Variants in UVRAG observed in about 807,000 individuals in gnomAD.
UVRAG encodes UV radiation resistance-associated gene protein.
Under a neutral mutation model 78.0 loss-of-function variants are expected in UVRAG, and 19 were observed. The ratio of observed to expected loss-of-function variants is 0.24; its 90% CI spans 0.17 to 0.36. The LOEUF is 0.36. Among genes scored for constraint, UVRAG ranks in the 10% least tolerant of loss-of-function variants. The pLI, the probability that UVRAG is intolerant of heterozygous loss-of-function variation, is 1.00. For missense variants in UVRAG, 740 were observed against 853.8 expected (o/e 0.87, Z 1.66); for synonymous variants, 323 against 324.6 (o/e 1.00, Z 0.05).
intron 8 of UVRAG, among the ~76,000 whole-genome samples, chr11:76,002,865 C>T (rs1949843881): frequency 1.3e-5 from 2 of 152,060 alleles, no homozygotes; most frequent in Admixed American, 6.6e-5. Context: ...GGCTTGAGCT[C>T]AGGAGTTCAA....
At chr11:76,064,299 G>A (rs1010500846) in intron 12 of UVRAG, among the ~76,000 whole-genome samples, 1 of 152,200 alleles carries the variant, frequency 6.6e-6, no homozygotes, top group Admixed American at 6.5e-5. Flanking sequence ...GTTTAGGACC[G>A]TAGTAGATTT....
chr11:75,879,578 G>A, intron 3 of UVRAG, among the ~76,000 whole-genome samples: 1 of 152,192 alleles, frequency 6.6e-6, no homozygotes, highest in East Asian at 1.9e-4. Flanking sequence ...TTATGTGTTG[G>A]CTGTTAATAA....
At chr11:75,828,778 CACAT>C (rs1565333979) in intron 1 of UVRAG, among the ~76,000 whole-genome samples, 2 of 79,366 alleles carry the variant, frequency 2.5e-5, no homozygotes, top group African/African-American at 1.2e-4. Flanking sequence ...TATATATACA[CACAT>C]ATATATATAT....
intron 14 of UVRAG, among the ~76,000 whole-genome samples, chr11:76,139,183 C>G (rs894848807): frequency 4.6e-5 from 7 of 152,088 alleles, no homozygotes; most frequent in Admixed American, 4.6e-4. Context: ...TGCCCCTTCC[C>G]AAGAATAACC....
At chr11:75,977,234 C>T (rs1236253755) in intron 7 of UVRAG, among the ~76,000 whole-genome samples, 1 of 152,092 alleles carries the variant, frequency 6.6e-6, no homozygotes, top group Non-Finnish European at 1.5e-5. Context: ...GTCTGAGAGA[C>T]AGTTTGTTAT....
intron 1 of UVRAG, among the ~76,000 whole-genome samples, chr11:75,828,790 T>C (rs1267427545): frequency 4.8e-4 from 43 of 88,844 alleles, no homozygotes; most frequent in African/African-American, 1.9e-3. Context: ...CATATATATA[T>C]ATATATATAT....
At chr11:75,935,606 A>C (rs752269183) in intron 6 of UVRAG, among the ~76,000 whole-genome samples, 1 of 152,142 alleles carries the variant, frequency 6.6e-6, no homozygotes, top group South Asian at 2.1e-4. Context: ...GGATACTGCT[A>C]CCTTAATACT....
At chr11:76,130,088 T>TTG (rs1278871648) in intron 14 of UVRAG, among the ~76,000 whole-genome samples, 1 of 152,172 alleles carries the variant, frequency 6.6e-6, no homozygotes, top group Non-Finnish European at 1.5e-5. Flanking sequence ...TCCTCAAACA[T>TTG]TGTTATCTTT....
chr11:75,819,255 C>G (rs570586597), intron 1 of UVRAG, among the ~76,000 whole-genome samples: 1 of 152,174 alleles, frequency 6.6e-6, no homozygotes, highest in Non-Finnish European at 1.5e-5. Context: ...GATGGGACTA[C>G]TACTTAATTT....
intron 12 of UVRAG, among the ~76,000 whole-genome samples, chr11:76,063,230 GAC>G (rs965580494): frequency 2.0e-5 from 3 of 152,176 alleles, no homozygotes; most frequent in Non-Finnish European, 2.9e-5. Context: ...TCATAAGGGA[GAC>G]ACACATGAAC....
intron 13 of UVRAG, among the ~76,000 whole-genome samples, chr11:76,108,783 C>A (rs1337235914): frequency 6.6e-6 from 1 of 152,026 alleles, no homozygotes; most frequent in South Asian, 2.1e-4. Context: ...GTTTTTTTAG[C>A]GTAAGGATTA....
chr11:75,830,281 C>CT (rs112644344), intron 1 of UVRAG, among the ~76,000 whole-genome samples: 4,005 of 149,288 alleles, frequency 0.027, 164 homozygotes, highest in African/African-American at 0.088. Context: ...AGTAAGTATT[C>CT]TTTTTTTTTT....
chr11:75,925,177 G>T (rs887421346), intron 6 of UVRAG, among the ~76,000 whole-genome samples: 1 of 152,126 alleles, frequency 6.6e-6, no homozygotes, highest in Non-Finnish European at 1.5e-5. Context: ...CTACATTCCC[G>T]CTGGTGCCAG....
At chr11:75,925,829 C>A (rs1400330819) in intron 6 of UVRAG, among the ~76,000 whole-genome samples, 1 of 152,106 alleles carries the variant, frequency 6.6e-6, no homozygotes, top group Non-Finnish European at 1.5e-5. Context: ...ACTACTATTG[C>A]AATTCCAATA....
intron 1 of UVRAG, among the ~76,000 whole-genome samples, chr11:75,822,093 C>T (rs763082265): frequency 1.4e-4 from 21 of 151,988 alleles, no homozygotes; most frequent in African/African-American, 2.9e-4. Flanking sequence ...TACAGGCACC[C>T]GCCACCATGC....
intron 7 of UVRAG, among the ~76,000 whole-genome samples, chr11:75,972,877 A>G (rs1052194295): frequency 2.8e-4 from 43 of 152,278 alleles, no homozygotes; most frequent in Middle Eastern, 3.4e-3. Flanking sequence ...TATTAATTCT[A>G]TATTCTGCAA....
intron 8 of UVRAG, among the ~76,000 whole-genome samples, chr11:75,984,321 C>T (rs147995061): frequency 7.9e-5 from 12 of 152,278 alleles, no homozygotes; most frequent in African/African-American, 2.9e-4. Flanking sequence ...CCCATCAAGT[C>T]TACAAAGTGC....
chr11:76,109,329 T>G (rs746446927), intron 13 of UVRAG, among the ~76,000 whole-genome samples: 6 of 152,168 alleles, frequency 3.9e-5, no homozygotes, highest in Non-Finnish European at 7.4e-5. Context: ...TTCACTCTCT[T>G]GCTTAAAACC....
At chr11:75,852,326 T>A (rs1192544707) in intron 2 of UVRAG, among the ~76,000 whole-genome samples, 1 of 152,242 alleles carries the variant, frequency 6.6e-6, no homozygotes, top group Non-Finnish European at 1.5e-5. Context: ...AATAAATTTC[T>A]TTTCTTTAAT....
Sources: gnomAD v4.1 joint callset for allele counts (sites outside exome capture counted in the v4.1 genomes callset) on GRCh38, gnomAD v4.1.1 for gene constraint, MANE v1.5 for transcripts, NCBI Gene and HGNC (gene_info 2026-07-23, HGNC 2026-07-21) for gene names.